PTPN1: variants seen among roughly 807,000 people sequenced by gnomAD.
PTPN1 encodes the protein protein tyrosine phosphatase non-receptor type 1, also known as tyrosine-protein phosphatase non-receptor type 1.
A neutral mutation model predicts 59.9 loss-of-function variants in PTPN1; 12 were observed. The observed-to-expected ratio is 0.20, with a 90% CI of 0.13 to 0.32. The LOEUF (loss-of-function observed/expected upper bound fraction) is 0.32. Among genes scored for constraint, PTPN1 ranks in the 10% least tolerant of loss-of-function variants. PTPN1 has a pLI of 1.00. For synonymous variants in PTPN1, 178 were observed against 203.6 expected (o/e 0.87, Z 1.07); for missense variants, 356 against 549.2 (o/e 0.65, Z 3.52).
At chr20:50,544,075 A>T (rs1002765063) in intron 1 of PTPN1, among the ~76,000 whole-genome samples, 1 of 151,724 alleles carries the variant, frequency 6.6e-6, no homozygotes, top group Non-Finnish European at 1.5e-5. Flanking sequence ...CAAACTCCTG[A>T]CCTCGTGATC....
chr20:50,564,278 A>C (rs981344519), intron 2 of PTPN1, among the ~76,000 whole-genome samples: 6 of 152,144 alleles, frequency 3.9e-5, no homozygotes, highest in Admixed American at 6.5e-5. Flanking sequence ...GATTGAAGCC[A>C]CCATATTTTC....
At chr20:50,581,488 C>T (rs567265835) in intron 9 of PTPN1, 28 bp downstream of exon 9, 53 of 1,577,084 alleles carry the variant, frequency 3.4e-5, no homozygotes, top group South Asian at 1.4e-4. Context: ...GACGCGCTGG[C>T]GAGATGCTCG....
intron 1 of PTPN1, among the ~76,000 whole-genome samples, chr20:50,511,964 CAA>C (rs947707963): frequency 1.3e-5 from 2 of 152,140 alleles, no homozygotes; most frequent in South Asian, 4.1e-4. Context: ...GCTTGACTAA[CAA>C]AAGCCTTTTT....
rs75493894 is a variant in PTPN1, at chr20:50,568,291, C to T, written c.256-89C>T. The T allele has an allele frequency of 4.1e-4, 471 of 1,140,944 alleles. 1 individual carries two copies. In the East Asian group the frequency reaches 5.4e-3, roughly 13 times the overall value. The allele number at this position is 1,140,944 out of a possible 1,614,324, so 70.7% of individuals were successfully genotyped here. On this transcript the variant is annotated intron_variant, in intron 3 of 9. Transcript: ENST00000371621. The surrounding 1 kb of genome is among the most constrained non-coding windows in gnomAD (Gnocchi z 5.6). ...CTGCCTAAGCTGTGGGGACTGAGGG[C>T]GCTGTCGTTAGCTGACTGCAGAAGG...
Position 50,582,921 on chromosome 20 carries a change from T to A in PTPN1, c.*206T>A, listed in dbSNP as rs866444349. 7 of 614,682 alleles carry A rather than the reference T, an allele frequency of 1.1e-5. No individual in the cohort carries two copies. Among genetic ancestry groups the A allele is most frequent in the African/African-American group, 1.1e-4 (6 of 54,330 alleles). 38.1% of individuals were successfully genotyped at this position (614,682 alleles called of 1,614,324 possible). On this transcript the variant is annotated 3_prime_UTR_variant, in exon 10 of 10. Coordinates refer to ENST00000371621, the MANE Select transcript of PTPN1 (RefSeq NM_002827.4). The surrounding 1 kb of genome is among the most constrained non-coding windows in gnomAD (Gnocchi z 4.2). ...CCTTTTACTTTTTGCCCCTTCCACT[T>A]TGAGTACCAAATCCACAAGCCATTT...
chr20:50,570,758 A>G (rs527529062), intron 4 of PTPN1, among the ~76,000 whole-genome samples: 1 of 152,158 alleles, frequency 6.6e-6, no homozygotes, highest in Non-Finnish European at 1.5e-5. Context: ...TGGGCGCTGT[A>G]GGAAGTTTAG....
intron 1 of PTPN1, among the ~76,000 whole-genome samples, chr20:50,543,372 A>T (rs565229825): frequency 3.9e-5 from 6 of 152,338 alleles, no homozygotes; most frequent in African/African-American, 1.4e-4. Context: ...TAATTTGCTA[A>T]ATAGTTGCAA....
chr20:50,569,255 G>T (rs1474058754), intron 4 of PTPN1, among the ~76,000 whole-genome samples: 3 of 152,240 alleles, frequency 2.0e-5, no homozygotes, highest in African/African-American at 4.8e-5. Context: ...AACCCTGCAG[G>T]TCTGGCCCTA....
intron 1 of PTPN1, among the ~76,000 whole-genome samples, chr20:50,515,925 A>G (rs2082527078): frequency 6.6e-6 from 1 of 152,236 alleles, no homozygotes; most frequent in African/African-American, 2.4e-5. Context: ...TGCCTGCTGC[A>G]GTGGCTTTGG....
intron 1 of PTPN1, among the ~76,000 whole-genome samples, chr20:50,515,378 A>T (rs2082524688): frequency 6.6e-6 from 1 of 152,136 alleles, no homozygotes; most frequent in African/African-American, 2.4e-5. Flanking sequence ...TTGTTCCGTC[A>T]CCTGTGTGTT....
chr20:50,548,997 C>T (rs1221261008), intron 1 of PTPN1, among the ~76,000 whole-genome samples: 2 of 152,198 alleles, frequency 1.3e-5, no homozygotes, highest in African/African-American at 4.8e-5. Context: ...GGATTACAGG[C>T]ATGAGCCACC....
chr20:50,510,670 C>G, intron 1 of PTPN1, 80 bp downstream of exon 1: 1 of 1,410,310 alleles, frequency 7.1e-7, no homozygotes, highest in Non-Finnish European at 9.6e-7. Flanking sequence ...GCCCCAGACT[C>G]CCTCTGGGTC....
rs111730174 is a variant in PTPN1, at chr20:50,546,426, C to G, written c.64-14937C>G. ...TTATTGTTGTGGCTTCACTGAAGCA[C>G]TCTCACTTCAAATAATTTTGGGCAT... is the stretch of plus-strand genomic sequence containing the variant. On this transcript the variant is annotated intron_variant, in intron 1 of 9. Transcript: ENST00000371621. Among the ~76,000 whole-genome samples, 617 of 152,306 alleles carry G rather than the reference C, an allele frequency of 4.1e-3. 2 individuals carry two copies. The highest frequency in any genetic ancestry group is 0.014 in the African/African-American group (578 of 41,556).
At chr20:50,511,248 A>T (rs3787333) in intron 1 of PTPN1, among the ~76,000 whole-genome samples, 1 of 152,196 alleles carries the variant, frequency 6.6e-6, no homozygotes, top group African/African-American at 2.4e-5. Context: ...ACAAAAGCAA[A>T]TAATTTCAGA....
chr20:50,529,559 G>A (rs2082591701), intron 1 of PTPN1, among the ~76,000 whole-genome samples: 1 of 152,216 alleles, frequency 6.6e-6, no homozygotes. Flanking sequence ...GTTCTGAGCA[G>A]ATGACACTTT....
At chr20:50,569,846 G>C (rs542752944) in intron 4 of PTPN1, among the ~76,000 whole-genome samples, 1 of 152,264 alleles carries the variant, frequency 6.6e-6, no homozygotes, top group African/African-American at 2.4e-5. Flanking sequence ...GCGCAGGCCA[G>C]TGTTCAGCAG....
At chr20:50,580,747 G>T (rs2082863700) in intron 8 of PTPN1, among the ~76,000 whole-genome samples, 1 of 152,214 alleles carries the variant, frequency 6.6e-6, no homozygotes, top group South Asian at 2.1e-4. Context: ...GTAAAGATGT[G>T]TATAGGTAGT....
chr20:50,561,100 G>A (rs1447208164), intron 1 of PTPN1, among the ~76,000 whole-genome samples: 1 of 152,098 alleles, frequency 6.6e-6, no homozygotes, highest in African/African-American at 2.4e-5. Flanking sequence ...TGCCTTTGCT[G>A]TGCAGGGTGT....
At chr20:50,552,700 T>A (rs1020688368) in intron 1 of PTPN1, among the ~76,000 whole-genome samples, 5 of 152,040 alleles carry the variant, frequency 3.3e-5, no homozygotes, top group Non-Finnish European at 5.9e-5. Context: ...TTTTTTTTTT[T>A]TTTTAACTAG....
Sources: allele counts gnomAD v4.1 joint callset (sites outside exome capture counted in the v4.1 genomes callset), GRCh38; gene constraint gnomAD v4.1.1; non-coding constraint Gnocchi (gnomAD v3.1); transcripts MANE v1.5; gene names NCBI Gene and HGNC (gene_info 2026-07-23, HGNC 2026-07-21).